The following SLC35D4 variants were observed in gnomAD, a reference collection of about 807,000 sequenced individuals.
The protein encoded by SLC35D4 is UDP-N-acetylglucosamine transporter SLC35D4.
the SLC35D4 span, among the ~76,000 whole-genome samples, chr18:23,412,483 C>CT: frequency 7.9e-5 from 12 of 151,372 alleles, no homozygotes; most frequent in East Asian, 3.9e-4. Context: ...TTTTCTTTTT[C>CT]TTTTTTTTTG....
At chr18:23,411,611 T>C in the SLC35D4 span, among the ~76,000 whole-genome samples, 2 of 152,096 alleles carry the variant, frequency 1.3e-5, no homozygotes, top group Non-Finnish European at 2.9e-5. Flanking sequence ...GACCTTACCA[T>C]GTTGAAGGAC....
the SLC35D4 span, among the ~76,000 whole-genome samples, chr18:23,348,054 T>C: frequency 1.6e-4 from 24 of 152,356 alleles, no homozygotes; most frequent in Admixed American, 4.6e-4. Context: ...TTTCATTTGA[T>C]TGAAAAATTT....
the SLC35D4 span, among the ~76,000 whole-genome samples, chr18:23,381,913 AT>A: frequency 6.6e-6 from 1 of 152,188 alleles, no homozygotes; most frequent in African/African-American, 2.4e-5. Context: ...TTCTAAATTC[AT>A]AAGAAAGTAA....
the SLC35D4 span, among the ~76,000 whole-genome samples, chr18:23,268,591 A>G: frequency 6.6e-6 from 1 of 152,080 alleles, no homozygotes; most frequent in South Asian, 2.1e-4. Context: ...CAAGCAGAAC[A>G]TGGAAGGCAG....
the SLC35D4 span, among the ~76,000 whole-genome samples, chr18:23,336,279 T>C: frequency 2.0e-5 from 3 of 152,314 alleles, no homozygotes; most frequent in Admixed American, 6.5e-5. Context: ...GCTGTTTCCA[T>C]GCGAATGGCA....
chr18:23,272,285 A>C, the SLC35D4 span, among the ~76,000 whole-genome samples: 1 of 152,086 alleles, frequency 6.6e-6, no homozygotes, highest in African/African-American at 2.4e-5. Context: ...GACCCCTTGC[A>C]TGGAAGCCAC....
At chr18:23,253,332 A>T in the SLC35D4 span, among the ~76,000 whole-genome samples, 1 of 152,066 alleles carries the variant, frequency 6.6e-6, no homozygotes, top group Admixed American at 6.6e-5. Flanking sequence ...AAAATTTAAA[A>T]ATTAGCCAGG....
chr18:23,415,220 A>C, the SLC35D4 span, among the ~76,000 whole-genome samples: 3 of 152,216 alleles, frequency 2.0e-5, no homozygotes, highest in Non-Finnish European at 4.4e-5. Context: ...TGGAGGTTTT[A>C]TCAAAGATAC....
chr18:23,313,156 A>AAAAAAT, the SLC35D4 span, among the ~76,000 whole-genome samples: 2 of 146,522 alleles, frequency 1.4e-5, no homozygotes, highest in Admixed American at 6.8e-5. Flanking sequence ...AAAAAAAAAA[A>AAAAAAT]AGAACCTGAG....
the SLC35D4 span, among the ~76,000 whole-genome samples, chr18:23,327,522 G>C: frequency 4.0e-5 from 6 of 150,848 alleles, no homozygotes; most frequent in South Asian, 4.2e-4. Context: ...TCTCTGAATA[G>C]ACCAATAACA....
At chr18:23,427,006 C>A in the SLC35D4 span, among the ~76,000 whole-genome samples, 2 of 152,172 alleles carry the variant, frequency 1.3e-5, no homozygotes, top group African/African-American at 4.8e-5. Flanking sequence ...ACAACTTATA[C>A]AAAAATTAAT....
chr18:23,355,822 C>T, the SLC35D4 span, among the ~76,000 whole-genome samples: 1 of 152,172 alleles, frequency 6.6e-6, no homozygotes, highest in Admixed American at 6.5e-5. Context: ...GGGCCAGGCA[C>T]AAAGCTTAAG....
the SLC35D4 span, among the ~76,000 whole-genome samples, chr18:23,380,879 T>G: frequency 1.3e-5 from 2 of 152,096 alleles, no homozygotes; most frequent in Non-Finnish European, 2.9e-5. Flanking sequence ...CAGCTCCAGA[T>G]AGTTTATTTT....
chr18:23,306,494 C>G, the SLC35D4 span, among the ~76,000 whole-genome samples: 1,937 of 152,210 alleles, frequency 0.013, 26 homozygotes, highest in Non-Finnish European at 0.022. Flanking sequence ...TTAGTAGAGA[C>G]AGGGTTTCTC....
At chr18:23,288,682 G>T in the SLC35D4 span, among the ~76,000 whole-genome samples, 4 of 152,146 alleles carry the variant, frequency 2.6e-5, no homozygotes, top group South Asian at 4.2e-4. Flanking sequence ...GTCTAAGAAG[G>T]CCACCACGGT....
At chr18:23,394,415 T>C in the SLC35D4 span, among the ~76,000 whole-genome samples, 63 of 152,318 alleles carry the variant, frequency 4.1e-4, no homozygotes, top group Admixed American at 1.8e-3. Context: ...TTGCTTTTGT[T>C]CTATTAAGTT....
chr18:23,359,709 T>C, the SLC35D4 span, among the ~76,000 whole-genome samples: 1 of 152,192 alleles, frequency 6.6e-6, no homozygotes, highest in Non-Finnish European at 1.5e-5. Context: ...GTCTCACACA[T>C]GAGCCACAGA....
At chr18:23,435,457 C>T in the SLC35D4 span, among the ~76,000 whole-genome samples, 1 of 152,158 alleles carries the variant, frequency 6.6e-6, no homozygotes, top group Non-Finnish European at 1.5e-5. Context: ...AGAGATTTCA[C>T]AAATTCACAA....
chr18:23,333,652 C>G, the SLC35D4 span, among the ~76,000 whole-genome samples: 2 of 152,232 alleles, frequency 1.3e-5, no homozygotes, highest in Non-Finnish European at 2.9e-5. Flanking sequence ...AACACCCCTA[C>G]TCCCACCTGA....
Sources: gnomAD v4.1 joint callset for allele counts (sites outside exome capture counted in the v4.1 genomes callset) on GRCh38, gnomAD v4.1.1 for gene constraint, MANE v1.5 for transcripts, NCBI Gene and HGNC (gene_info 2026-07-23, HGNC 2026-07-21) for gene names.